Variants in CDH13 observed in about 807,000 individuals in gnomAD.
CDH13 encodes cadherin-13.
CDH13 carries 24 observed loss-of-function variants against 63.8 expected under a neutral mutation model. The observed-to-expected ratio is 0.38, with a 90% confidence interval of 0.27 to 0.53. The LOEUF is 0.53. CDH13 is among the 20% of genes least tolerant of loss of function. CDH13 has a pLI of 0.85. For synonymous variants in CDH13, 503 were observed against 355.3 expected (o/e 1.42, Z -4.67); for missense variants, 1,049 against 903.1 (o/e 1.16, Z -2.07).
At chr16:83,007,038 C>T (rs1022374039) in intron 2 of CDH13, among the ~76,000 whole-genome samples, 4 of 152,004 alleles carry the variant, frequency 2.6e-5, no homozygotes, top group African/African-American at 9.7e-5. Context: ...ATTTTCCTGC[C>T]TCAACTTCCC....
intron 1 of CDH13, among the ~76,000 whole-genome samples, chr16:82,852,459 G>T (rs1187841780): frequency 1.3e-5 from 2 of 152,136 alleles, no homozygotes; most frequent in African/African-American, 4.8e-5. Flanking sequence ...TATTTCCATG[G>T]ATAGGAGAAG....
intron 7 of CDH13, among the ~76,000 whole-genome samples, chr16:83,507,011 C>T (rs1598179065): frequency 6.6e-6 from 1 of 152,194 alleles, no homozygotes; most frequent in Non-Finnish European, 1.5e-5. Context: ...TGCTTTAAAG[C>T]ACTAAGTTTG....
chr16:83,782,411 G>A (rs1375034236), intron 12 of CDH13, among the ~76,000 whole-genome samples: 1 of 151,570 alleles, frequency 6.6e-6, no homozygotes, highest in African/African-American at 2.4e-5. Flanking sequence ...CCACCCAAAT[G>A]TAGAGCTGTG....
chr16:83,344,090 A>G (rs182285356), intron 5 of CDH13, among the ~76,000 whole-genome samples: 1 of 152,268 alleles, frequency 6.6e-6, no homozygotes, highest in African/African-American at 2.4e-5. Flanking sequence ...GGGGACCAAC[A>G]CTTATATCCA....
intron 1 of CDH13, among the ~76,000 whole-genome samples, chr16:82,798,051 G>C (rs2036675526): frequency 6.6e-6 from 1 of 152,144 alleles, no homozygotes; most frequent in Non-Finnish European, 1.5e-5. Flanking sequence ...GGTTGCTCTG[G>C]GGTGAGAAAA....
rs549758072 is a variant in CDH13 at position 83,232,473 on chromosome 16, C to G, written c.636+14976C>G. On this transcript the variant is annotated intron_variant, in intron 5 of 13. Coordinates refer to ENST00000567109, the MANE Select transcript of CDH13 (RefSeq NM_001257.5). ...CTGGGAGGCAGAAGTTGCAGTGAGCCAAGATTGCGCCAGCTGCACTCCAGC... is the reference window on the plus strand; with the variant it reads ...CTGGGAGGCAGAAGTTGCAGTGAGCGAAGATTGCGCCAGCTGCACTCCAGC... Among the ~76,000 whole-genome samples the G allele has an allele frequency of 2.8e-4, 42 of 150,606 alleles. No homozygotes were observed. In the East Asian group the frequency reaches 7.6e-3, roughly 27 times the overall value.
At chr16:83,673,407 C>T (rs73248744) in intron 9 of CDH13, among the ~76,000 whole-genome samples, 11,376 of 152,110 alleles carry the variant, frequency 0.075, 690 homozygotes, top group African/African-American at 0.17. Flanking sequence ...AGACCTATAA[C>T]ACTTGGGGGT....
At chr16:83,541,425 C>T (rs1464083526) in intron 7 of CDH13, among the ~76,000 whole-genome samples, 2 of 152,176 alleles carry the variant, frequency 1.3e-5, no homozygotes, top group Admixed American at 6.5e-5. Flanking sequence ...CCTTACTCAT[C>T]CTTTGAGGCA....
intron 7 of CDH13, 42 bp downstream of exon 7, chr16:83,486,697 A>C (rs375365820): frequency 3.8e-6 from 6 of 1,588,998 alleles, no homozygotes; most frequent in Middle Eastern, 1.7e-4. Flanking sequence ...CGAGAATAGA[A>C]TGTGGCTTTC....
chr16:82,808,020 C>G (rs899930964), intron 1 of CDH13, among the ~76,000 whole-genome samples: 3 of 152,162 alleles, frequency 2.0e-5, no homozygotes, highest in Non-Finnish European at 4.4e-5. Flanking sequence ...GCAGTTCTTA[C>G]TGAGCTCTAG....
chr16:82,978,276 T>C (rs1462533469), intron 2 of CDH13, among the ~76,000 whole-genome samples: 2 of 152,298 alleles, frequency 1.3e-5, no homozygotes, highest in African/African-American at 4.8e-5. Context: ...AGCCTGACAA[T>C]GCAATAGAAA....
chr16:82,824,936 T>C (rs917484025), intron 1 of CDH13: 2 of 152,176 alleles, frequency 1.3e-5, no homozygotes, highest in African/African-American at 4.8e-5. Context: ...AAAAAATACT[T>C]TTAATCTTTT....
At chr16:82,875,724 T>C (rs2040483457) in intron 2 of CDH13, among the ~76,000 whole-genome samples, 1 of 152,144 alleles carries the variant, frequency 6.6e-6, no homozygotes, top group Non-Finnish European at 1.5e-5. Context: ...ACCAATAAAA[T>C]GATAAGTATG....
At chr16:83,597,219 A>G (rs1298239251) in intron 7 of CDH13, among the ~76,000 whole-genome samples, 3 of 109,616 alleles carry the variant, frequency 2.7e-5, no homozygotes, top group African/African-American at 6.1e-5. Flanking sequence ...CAAGACCCTG[A>G]CTCACACACA....
At chr16:83,226,235 C>A (rs774111046) in intron 5 of CDH13, among the ~76,000 whole-genome samples, 3 of 152,092 alleles carry the variant, frequency 2.0e-5, no homozygotes, top group African/African-American at 7.2e-5. Flanking sequence ...GTGCAGCTGG[C>A]GAAACTGAGG....
At chr16:83,697,930 G>A (rs1905633358) in intron 10 of CDH13, among the ~76,000 whole-genome samples, 1 of 152,244 alleles carries the variant, frequency 6.6e-6, no homozygotes, top group South Asian at 2.1e-4. Flanking sequence ...TTACAGGCGT[G>A]AGCCACTGCA....
At chr16:83,669,061 T>G (rs1323474271) in intron 8 of CDH13, among the ~76,000 whole-genome samples, 2 of 152,124 alleles carry the variant, frequency 1.3e-5, no homozygotes, top group Non-Finnish European at 2.9e-5. Flanking sequence ...AAATGCTGAG[T>G]CCTAGGCTTT....
intron 5 of CDH13, among the ~76,000 whole-genome samples, chr16:83,230,171 C>T (rs1034261004): frequency 2.0e-5 from 3 of 152,164 alleles, no homozygotes; most frequent in Admixed American, 6.5e-5. Context: ...CTATTCCTTT[C>T]GAGTTTTTAT....
intron 4 of CDH13, among the ~76,000 whole-genome samples, chr16:83,176,869 A>G (rs1023551425): frequency 9.9e-5 from 15 of 152,088 alleles, no homozygotes; most frequent in African/African-American, 3.4e-4. Context: ...GCGAGCCCTT[A>G]GTTACCTTCC....
Sources: gnomAD v4.1 joint callset for allele counts (sites outside exome capture counted in the v4.1 genomes callset) on GRCh38, gnomAD v4.1.1 for gene constraint, MANE v1.5 for transcripts, NCBI Gene and HGNC (gene_info 2026-07-23, HGNC 2026-07-21) for gene names.